The following BMPR2 variants were observed in gnomAD, a reference collection of about 807,000 sequenced individuals.
BMPR2 encodes bone morphogenetic protein receptor type-2.
A neutral mutation model predicts 100.8 loss-of-function variants in BMPR2; 29 were observed. The ratio of observed to expected loss-of-function variants is 0.29; its 90% CI spans 0.21 to 0.39. The LOEUF (loss-of-function observed/expected upper bound fraction) is 0.39. Among genes scored for constraint, BMPR2 ranks in the 10% least tolerant of loss-of-function variants. The pLI is 1.00. For synonymous variants in BMPR2, 382 were observed against 442.3 expected (o/e 0.86, Z 1.71); for missense variants, 1,011 against 1,274.5 (o/e 0.79, Z 3.15).
chr2:202,476,401 AC>A (rs1692553206), intron 3 of BMPR2, among the ~76,000 whole-genome samples: 1 of 152,204 alleles, frequency 6.6e-6, no homozygotes, highest in African/African-American at 2.4e-5. Context: ...ATACAGACGT[AC>A]TATAATAGAG....
chr2:202,469,236 C>G (rs1574464900), intron 3 of BMPR2, among the ~76,000 whole-genome samples: 2 of 152,094 alleles, frequency 1.3e-5, no homozygotes, highest in Middle Eastern at 6.8e-3. Flanking sequence ...CCATGTTGGT[C>G]AGGCTGGTCT....
chr2:202,552,555 A>C (rs1291243078), intron 10 of BMPR2, among the ~76,000 whole-genome samples, 161 bp from the exon 11 acceptor site: 1 of 152,188 alleles, frequency 6.6e-6, no homozygotes, highest in Non-Finnish European at 1.5e-5. Context: ...TCACCTTTTG[A>C]GCATGTTCCG....
At chr2:202,470,688 C>T (rs1213841771) in intron 3 of BMPR2, among the ~76,000 whole-genome samples, 4 of 148,378 alleles carry the variant, frequency 2.7e-5, no homozygotes, top group Admixed American at 6.8e-5. Flanking sequence ...GGCGTGAACC[C>T]GGGAAGCGGA....
chr2:202,567,451 T>C lies in BMPR2; in HGVS notation c.*7505T>C, dbSNP rs773296242. The C allele has an allele frequency of 6.5e-6, 1 of 152,696 alleles. No homozygotes were observed. Among genetic ancestry groups the C allele is most frequent in the Non-Finnish European group, 1.5e-5 (1 of 68,050 alleles). The allele number at this position is 152,696 out of a possible 1,614,324, so 9.5% of individuals were successfully genotyped here. On this transcript the variant is annotated 3_prime_UTR_variant, in exon 13 of 13. Transcript: ENST00000374580. ...TTATTTTGCTTTTGTATAAGCTGTC[T>C]GAAGCCTTGCTATGCTGTATAAGTT... is the stretch of plus-strand genomic sequence containing the variant.
chr2:202,496,876 A>G (rs186067178), intron 3 of BMPR2, among the ~76,000 whole-genome samples: 10 of 152,344 alleles, frequency 6.6e-5, no homozygotes, highest in African/African-American at 2.2e-4. Flanking sequence ...CCGAGGCCGG[A>G]GCCCACTCCT....
chr2:202,532,799 T>C lies in BMPR2; in HGVS notation c.1276+67T>C, dbSNP rs993908915. 7.2e-6 allele frequency: 11 copies of C among 1,534,824 alleles called. No individual in the cohort carries two copies. In the East Asian group the frequency reaches 1.4e-4, roughly 19 times the overall value. The stretch of plus-strand genomic sequence containing the variant: ...CAGTTATATCTTCTTTCTCTACCTA[T>C]AGTACCTAACTCAACTTTTATGTAA... On this transcript the variant is annotated intron_variant, in intron 9 of 12. Transcript: ENST00000374580. The surrounding 1 kb of genome is among the most constrained non-coding windows in gnomAD (Gnocchi z 4.1).
chr2:202,506,902 A>G (rs1369532405), intron 3 of BMPR2, among the ~76,000 whole-genome samples: 1 of 151,722 alleles, frequency 6.6e-6, no homozygotes. Flanking sequence ...CTCTGTCTCA[A>G]AAAACAATAA....
At chr2:202,413,108 G>T (rs1691046657) in intron 1 of BMPR2, among the ~76,000 whole-genome samples, 2 of 152,194 alleles carry the variant, frequency 1.3e-5, no homozygotes, top group African/African-American at 4.8e-5. Context: ...GTTCTCAGCT[G>T]AGGTCAAACA....
chr2:202,412,907 A>G (rs1176143609), intron 1 of BMPR2, among the ~76,000 whole-genome samples: 1 of 150,288 alleles, frequency 6.7e-6, no homozygotes, highest in East Asian at 1.9e-4. Flanking sequence ...AATGTGTACT[A>G]TATGCTGTGT....
At chr2:202,553,017 A>C in intron 11 of BMPR2, 129 bp downstream of exon 11, 1 of 1,231,100 alleles carries the variant, frequency 8.1e-7, no homozygotes, top group Non-Finnish European at 1.1e-6. Flanking sequence ...TAAAGTTATC[A>C]TTTTTCTTTC....
intron 3 of BMPR2, among the ~76,000 whole-genome samples, chr2:202,512,938 T>C (rs529952479): frequency 6.6e-6 from 1 of 151,832 alleles, no homozygotes; most frequent in Admixed American, 6.6e-5. Context: ...GTAGATAATA[T>C]ATGCTTTTTT....
rs1486642939 is a variant in BMPR2 at position 202,503,602 on chromosome 2, T to TC, written c.419-10114dup. Reference sequence around the variant, plus strand: ...GTTTCTCACTGGGTCTTAGCTGCCTTCCCACAGGGCAGGGCTCGGGACCTG... The same window carrying TC: ...GTTTCTCACTGGGTCTTAGCTGCCTTCCCCACAGGGCAGGGCTCGGGACCTG... On this transcript the variant is annotated intron_variant, in intron 3 of 12. Coordinates refer to ENST00000374580, the MANE Select transcript of BMPR2 (RefSeq NM_001204.7). This position sits in a 1 kb window ranked among gnomAD's most constrained non-coding sequence, Gnocchi z 4.0. Among the ~76,000 whole-genome samples, 2 of 152,194 alleles carry TC rather than the reference T, an allele frequency of 1.3e-5. No homozygotes were observed. Among genetic ancestry groups the TC allele is most frequent in the African/African-American group, 4.8e-5 (2 of 41,442 alleles).
rs111345560 is a variant in BMPR2 at position 202,407,772 on chromosome 2, A to C, written c.76+30222A>C. Among the ~76,000 whole-genome samples, 228 of 152,122 alleles carry C rather than the reference A, an allele frequency of 1.5e-3. 1 individual carries two copies. The highest frequency in any genetic ancestry group is 7.0e-3 in the East Asian group (36 of 5,170). ...CTCAAAACAAAAACAAAAACAAAAA[A>C]AAAACTGTATTTATACTTTATTCTG... is the stretch of plus-strand genomic sequence containing the variant. On this transcript the variant is annotated intron_variant, in intron 1 of 12. Coordinates refer to ENST00000374580, the MANE Select transcript of BMPR2 (RefSeq NM_001204.7).
chr2:202,517,588 G>T (rs1687736612), intron 5 of BMPR2, among the ~76,000 whole-genome samples: 1 of 151,804 alleles, frequency 6.6e-6, no homozygotes, highest in Non-Finnish European at 1.5e-5. Context: ...CTGACCTCGT[G>T]ATCCACCCGC....
chr2:202,394,831 G>A (rs1690626573), intron 1 of BMPR2, among the ~76,000 whole-genome samples: 1 of 151,862 alleles, frequency 6.6e-6, no homozygotes, highest in South Asian at 2.1e-4. Flanking sequence ...TCTAGAAAGT[G>A]ACAGAACTGT....
chr2:202,529,766 G>A (rs1440860085), intron 7 of BMPR2, among the ~76,000 whole-genome samples: 1 of 152,130 alleles, frequency 6.6e-6, no homozygotes, highest in African/African-American at 2.4e-5. Flanking sequence ...TGGTGAAATT[G>A]CATTTGAATG....
intron 3 of BMPR2, among the ~76,000 whole-genome samples, chr2:202,508,791 T>C (rs1687573836): frequency 4.6e-5 from 7 of 152,226 alleles, no homozygotes; most frequent in Admixed American, 3.9e-4. Flanking sequence ...CAACCTTCCA[T>C]TGGCACTTTC....
chr2:202,462,661 A>T (rs1456462427), intron 1 of BMPR2, among the ~76,000 whole-genome samples: 4 of 149,764 alleles, frequency 2.7e-5, no homozygotes, highest in East Asian at 1.9e-4. Context: ...CTTTTTTTTT[A>T]AATGCTGAAC....
chr2:202,454,551 T>C (rs571209068), intron 1 of BMPR2, among the ~76,000 whole-genome samples: 2 of 152,344 alleles, frequency 1.3e-5, no homozygotes, highest in Non-Finnish European at 2.9e-5. Context: ...TCTAGTTACT[T>C]GTTACTTGTT....
Sources: allele counts gnomAD v4.1 joint callset (sites outside exome capture counted in the v4.1 genomes callset), GRCh38; gene constraint gnomAD v4.1.1; non-coding constraint Gnocchi (gnomAD v3.1); transcripts MANE v1.5; gene names NCBI Gene and HGNC (gene_info 2026-07-23, HGNC 2026-07-21).